Variants in EPB41L5 observed in about 807,000 individuals in gnomAD.
The protein encoded by EPB41L5 is erythrocyte membrane protein band 4.1 like 5.
Under a neutral mutation model 106.6 loss-of-function variants are expected in EPB41L5, and 55 were observed. The observed-to-expected ratio is 0.52, with a 90% CI of 0.42 to 0.65. The LOEUF is 0.65. EPB41L5 is among the 30% of genes least tolerant of loss of function. EPB41L5 has a pLI of 0.00. For missense variants in EPB41L5, 871 were observed against 882.1 expected (o/e 0.99, Z 0.16); for synonymous variants, 297 against 306.7 (o/e 0.97, Z 0.33).
At chr2:120,105,034 C>T in intron 16 of EPB41L5, 1 of 984,500 alleles carries the variant, frequency 1.0e-6, no homozygotes, top group Non-Finnish European at 1.2e-6. Flanking sequence ...ATCTCATACA[C>T]CTGACAGATT....
chr2:120,066,577 T>C (rs1297272738), intron 3 of EPB41L5, among the ~76,000 whole-genome samples: 2 of 152,222 alleles, frequency 1.3e-5, no homozygotes, highest in African/African-American at 4.8e-5. Context: ...TAGGTAAATC[T>C]ACACACATCC....
chr2:120,081,656 T>G (rs1304143949), intron 10 of EPB41L5, among the ~76,000 whole-genome samples: 3 of 151,748 alleles, frequency 2.0e-5, no homozygotes, highest in African/African-American at 4.8e-5. Flanking sequence ...AAAGTCATTG[T>G]TAGCTTGATG....
At position 120,026,405 on chromosome 2, in the gene EPB41L5, A is replaced by G. The variant is rs545518496; in HGVS notation, c.180+7141A>G. ...TGTTTTTGATACGGAGTCTCACTCTATTGCTCAGGCTGGAGTGCAATGACG... is the reference window on the plus strand; with the variant it reads ...TGTTTTTGATACGGAGTCTCACTCTGTTGCTCAGGCTGGAGTGCAATGACG... On this transcript the variant is annotated intron_variant, in intron 2 of 24. Transcript: ENST00000263713. Among the ~76,000 whole-genome samples the G allele has an allele frequency of 5.9e-4, 90 of 151,932 alleles. 1 individual carries two copies. Among genetic ancestry groups the G allele is most frequent in the Middle Eastern group, 6.8e-3 (2 of 294 alleles).
intron 3 of EPB41L5, among the ~76,000 whole-genome samples, chr2:120,044,271 C>G (rs1365187200): frequency 6.6e-6 from 1 of 151,148 alleles, no homozygotes; most frequent in East Asian, 1.9e-4. Context: ...ATTTTTCTTT[C>G]TAATGTTCTT....
intron 21 of EPB41L5, among the ~76,000 whole-genome samples, chr2:120,162,782 G>A (rs892656262): frequency 4.6e-5 from 7 of 152,186 alleles, no homozygotes; most frequent in Non-Finnish European, 8.8e-5. Flanking sequence ...AGAGAGAATC[G>A]TAATACATTG....
At chr2:120,075,882 G>T (rs1682199521) in intron 7 of EPB41L5, 129 bp downstream of exon 7, 1 of 730,240 alleles carries the variant, frequency 1.4e-6, no homozygotes, top group Admixed American at 2.4e-5. Flanking sequence ...TTGTATCAGG[G>T]TCCAACTCTG....
chr2:120,034,828 A>T (rs1472610273), intron 2 of EPB41L5, among the ~76,000 whole-genome samples: 2 of 152,196 alleles, frequency 1.3e-5, no homozygotes, highest in African/African-American at 4.8e-5. Context: ...ATGCCGCTGC[A>T]CTGTAACCTG....
At chr2:120,014,309 T>C (rs1677360874) in intron 1 of EPB41L5, among the ~76,000 whole-genome samples, 1 of 152,204 alleles carries the variant, frequency 6.6e-6, no homozygotes, top group African/African-American at 2.4e-5. Context: ...ATCCTTCTAG[T>C]TAGGAACTAG....
rs1161356335 is a variant in EPB41L5 at position 120,091,573 on chromosome 2, G to A, written c.1062G>A (p.Gln354=). The A allele has an allele frequency of 6.2e-7, 1 of 1,613,558 alleles. No individual in the cohort carries two copies. Among genetic ancestry groups the A allele is most frequent in the Non-Finnish European group, 8.5e-7 (1 of 1,179,766 alleles). Residue 354 remains glutamine, a synonymous_variant, in exon 13 of 25, where the codon CAG becomes CAA. Transcript: ENST00000263713. ...CATTTAGTGGGAAAACAGAGTATCA[G>A]ACCACAAAAACCAATAAAGCAAGAA... ...RFRYSGKTEY[Q]TTKTNKARRS...
At chr2:120,051,029 A>T (rs188766070) in intron 3 of EPB41L5, among the ~76,000 whole-genome samples, 9 of 152,290 alleles carry the variant, frequency 5.9e-5, no homozygotes, top group African/African-American at 2.2e-4. Flanking sequence ...GCTTCGTCTT[A>T]GAGGGGTACC....
intron 21 of EPB41L5, among the ~76,000 whole-genome samples, 173 bp from the exon 22 acceptor site, chr2:120,164,663 T>C (rs1027896444): frequency 1.3e-5 from 2 of 152,198 alleles, no homozygotes; most frequent in African/African-American, 4.8e-5. Flanking sequence ...TAGGTTTCCC[T>C]CCATGCAGAA....
At chr2:120,084,118 C>T (rs944400246) in intron 10 of EPB41L5, among the ~76,000 whole-genome samples, 1 of 152,128 alleles carries the variant, frequency 6.6e-6, no homozygotes, top group African/African-American at 2.4e-5. Flanking sequence ...TTAATATTGT[C>T]ATATGTGAAT....
At chr2:120,078,014 T>A (rs142638508) in intron 9 of EPB41L5, among the ~76,000 whole-genome samples, 36 of 152,222 alleles carry the variant, frequency 2.4e-4, no homozygotes, top group Non-Finnish European at 4.4e-4. Flanking sequence ...AACCAGATCT[T>A]GTGAGAACTC....
At chr2:120,041,117 C>T (rs981064114) in intron 2 of EPB41L5, among the ~76,000 whole-genome samples, 3 of 151,830 alleles carry the variant, frequency 2.0e-5, no homozygotes, top group Non-Finnish European at 4.4e-5. Flanking sequence ...AACAACATAC[C>T]CCTTTTATGT....
At chr2:120,159,176 G>A (rs1055836468) in intron 20 of EPB41L5, among the ~76,000 whole-genome samples, 1 of 151,558 alleles carries the variant, frequency 6.6e-6, no homozygotes, top group South Asian at 2.1e-4. Flanking sequence ...TGTAATCCCA[G>A]CACTTTGGGA....
At chr2:120,105,019 C>G (rs1349737136) in intron 16 of EPB41L5, 1 of 984,690 alleles carries the variant, frequency 1.0e-6, no homozygotes, top group African/African-American at 1.7e-5. Context: ...TGGCTTTTCT[C>G]TTTCATCTCA....
At chr2:120,046,366 G>A (rs1165999865) in intron 3 of EPB41L5, among the ~76,000 whole-genome samples, 14 of 152,126 alleles carry the variant, frequency 9.2e-5, no homozygotes, top group Non-Finnish European at 1.5e-4. Flanking sequence ...GTGTGAGATG[G>A]TATCTCATTG....
At chr2:120,107,864 A>G (rs1684539882) in intron 16 of EPB41L5, among the ~76,000 whole-genome samples, 1 of 152,190 alleles carries the variant, frequency 6.6e-6, no homozygotes, top group South Asian at 2.1e-4. Flanking sequence ...AAGGAACTTC[A>G]TTTCTTTCAT....
intron 18 of EPB41L5, among the ~76,000 whole-genome samples, chr2:120,136,995 A>G (rs1432398091): frequency 1.3e-5 from 2 of 152,056 alleles, no homozygotes; most frequent in Admixed American, 1.3e-4. Context: ...AAGTCTGAAC[A>G]TTCAAAAAAA....
Sources: allele counts gnomAD v4.1 joint callset (sites outside exome capture counted in the v4.1 genomes callset), GRCh38; gene constraint gnomAD v4.1.1; transcripts MANE v1.5; gene names NCBI Gene and HGNC (gene_info 2026-07-23, HGNC 2026-07-21).